IL36B: variants seen among roughly 807,000 people sequenced by gnomAD.
IL36B encodes the protein interleukin 36 beta.
A neutral mutation model predicts 19.3 loss-of-function variants in IL36B; 23 were observed. That is an observed-to-expected ratio of 1.19 (90% CI 0.86 to 1.69). IL36B has a LOEUF of 1.69. Among genes scored for constraint, IL36B ranks in the 40% most tolerant of loss-of-function variants. The pLI is 0.00. For missense variants in IL36B, 217 were observed against 200.5 expected, an observed-to-expected ratio of 1.08 and a Z score of -0.50; for synonymous variants, 59 against 59.7, an observed-to-expected ratio of 0.99 and a Z score of 0.05.
At chr2:113,023,201 C>A (rs149351802) in intron 5 of IL36B, among the ~76,000 whole-genome samples, 2 of 152,298 alleles carry the variant, frequency 1.3e-5, no homozygotes, top group African/African-American at 4.8e-5. Context: ...ATAAGGATGG[C>A]CATATTTTCC....
At chr2:113,027,955 T>C in intron 4 of IL36B, 1 of 1,614,142 alleles carries the variant, frequency 6.2e-7, no homozygotes, top group Non-Finnish European at 8.5e-7. Context: ...GCCTCTCTCC[T>C]TGGTGAGAAA....
At chr2:113,034,081 A>C (rs111779174) in intron 1 of IL36B, among the ~76,000 whole-genome samples, 1 of 152,152 alleles carries the variant, frequency 6.6e-6, no homozygotes, top group Non-Finnish European at 1.5e-5. Context: ...ACTCTCTTGC[A>C]CAGAACCCTC....
Position 113,022,244 on chromosome 2 carries a change from T to G in IL36B, c.*430A>C. 6.5e-6 allele frequency: 1 copy of G among 154,490 alleles called. No homozygotes were observed. Among genetic ancestry groups the G allele is most frequent in the Non-Finnish European group, 1.4e-5 (1 of 69,604 alleles). 9.6% of individuals were successfully genotyped at this position (154,490 alleles called of 1,614,324 possible). ...TCATGCTCTAGTGAATAATTGCACA[T>G]TATGTAAATAATTTTGAATAATTCT... On this transcript the variant is annotated 3_prime_UTR_variant, in exon 6 of 6. Coordinates refer to ENST00000259213, the MANE Select transcript of IL36B (RefSeq NM_014438.5).
At chr2:113,036,234 C>G (rs1000195479) in intron 1 of IL36B, among the ~76,000 whole-genome samples, 1 of 151,934 alleles carries the variant, frequency 6.6e-6, no homozygotes, top group Non-Finnish European at 1.5e-5. Flanking sequence ...CGTGAGCCAG[C>G]GTACCAGGCC....
At chr2:113,027,803 C>A in intron 4 of IL36B, 1 of 1,519,278 alleles carries the variant, frequency 6.6e-7, no homozygotes, top group South Asian at 1.3e-5. Flanking sequence ...TATGGATGGG[C>A]TGAACTGCTA....
At chr2:113,051,829 C>T (rs1298249819) in intron 1 of IL36B, among the ~76,000 whole-genome samples, 2 of 152,146 alleles carry the variant, frequency 1.3e-5, no homozygotes, top group Non-Finnish European at 2.9e-5. Flanking sequence ...TCCTCAGCTA[C>T]CAAAAGTCAC....
At chr2:113,049,360 T>C (rs1573379411) in intron 1 of IL36B, among the ~76,000 whole-genome samples, 1 of 152,314 alleles carries the variant, frequency 6.6e-6, no homozygotes. Flanking sequence ...TTAAGGTAAC[T>C]CAGGGAATGG....
At chr2:113,035,883 G>GGA in intron 1 of IL36B, among the ~76,000 whole-genome samples, 1 of 152,324 alleles carries the variant, frequency 6.6e-6, no homozygotes, top group East Asian at 1.9e-4. Flanking sequence ...GGTTGCCTCA[G>GGA]GAGAGTAGGA....
rs143757145 is a variant in IL36B at position 113,039,163 on chromosome 2, G to T, written c.-57-7397C>A. Among the ~76,000 whole-genome samples, 446 of 152,300 alleles carry T rather than the reference G, an allele frequency of 2.9e-3. 1 individual carries two copies. The highest frequency in any genetic ancestry group is 0.01 in the African/African-American group (430 of 41,564). ...TATGAGACTCACTCTGGTCATCTTG[G>T]GAGTTCAAGGATATAGTCGGTGTCT... On this transcript the variant is annotated intron_variant, in intron 1 of 5. Transcript: ENST00000259213.
In IL36B at chr2:113,036,354, CTTT is replaced by C. The variant is rs367626558; in HGVS notation, c.-57-4591_-57-4589del. 4.0e-3 allele frequency among the ~76,000 whole-genome samples: 542 copies of C among 134,882 alleles called. 4 individuals carry two copies. Among genetic ancestry groups the C allele is most frequent in the African/African-American group, 0.014 (509 of 36,472 alleles). The allele number at this position is 134,882 out of a possible 152,430, so 88.5% of individuals were successfully genotyped here. A position where few individuals can be genotyped will look rare whatever the true frequency, so the allele number is the denominator to read the frequency against. ...ATTTTATTTATCTGAAAACACCTTG[CTTT>C]TTTTTTTTTTTTCATGAAGTGGGTG... On this transcript the variant is annotated intron_variant, in intron 1 of 5. Transcript: ENST00000259213.
chr2:113,044,109 G>A (rs976067384), intron 1 of IL36B, among the ~76,000 whole-genome samples: 7 of 152,066 alleles, frequency 4.6e-5, no homozygotes, highest in Non-Finnish European at 7.4e-5. Flanking sequence ...AAGGCATATC[G>A]TTCTGGCTTT....
intron 1 of IL36B, among the ~76,000 whole-genome samples, chr2:113,036,809 G>A (rs757108022): frequency 2.6e-5 from 4 of 152,314 alleles, no homozygotes; most frequent in African/African-American, 4.8e-5. Flanking sequence ...GGATGATGTC[G>A]GAGGCCCAGC....
chr2:113,025,679 G>A (rs763987735), intron 5 of IL36B, among the ~76,000 whole-genome samples: 4 of 152,160 alleles, frequency 2.6e-5, no homozygotes, highest in Non-Finnish European at 5.9e-5. Flanking sequence ...GGAGAGTCCC[G>A]TAAAACAGCT....
intron 1 of IL36B, among the ~76,000 whole-genome samples, chr2:113,039,263 C>T (rs561616229): frequency 1.3e-5 from 2 of 152,202 alleles, no homozygotes; most frequent in East Asian, 3.9e-4. Context: ...AATTATAAGA[C>T]AAAAAGATCC....
intron 3 of IL36B, among the ~76,000 whole-genome samples, chr2:113,030,509 G>A (rs982639497): frequency 6.6e-6 from 1 of 152,208 alleles, no homozygotes; most frequent in Admixed American, 6.5e-5. Context: ...GTTGCAGCAT[G>A]TCTGACAATG....
intron 1 of IL36B, among the ~76,000 whole-genome samples, chr2:113,040,308 T>C (rs887403916): frequency 6.6e-6 from 1 of 152,232 alleles, no homozygotes; most frequent in Non-Finnish European, 1.5e-5. Context: ...TCATACTTAA[T>C]GGTGAAAGAA....
At chr2:113,051,507 C>A (rs1214570215) in intron 1 of IL36B, among the ~76,000 whole-genome samples, 4 of 152,194 alleles carry the variant, frequency 2.6e-5, no homozygotes, top group African/African-American at 4.8e-5. Flanking sequence ...GGCCTGTGCA[C>A]CTGGCCCTTC....
intron 4 of IL36B, chr2:113,027,831 ATGATCTGT>A: frequency 6.3e-7 from 1 of 1,577,796 alleles, no homozygotes; most frequent in Non-Finnish European, 8.6e-7. Flanking sequence ...CAGTCGCATA[ATGATCTGT>A]TAAGATGACT....
At chr2:113,022,871 C>T (rs1001680166) in intron 5 of IL36B, 19 of 793,370 alleles carry the variant, frequency 2.4e-5, no homozygotes, top group African/African-American at 5.1e-5. Context: ...AGATTCTACA[C>T]GGAGGCTCCT....
Sources: allele counts gnomAD v4.1 joint callset (sites outside exome capture counted in the v4.1 genomes callset), GRCh38; gene constraint gnomAD v4.1.1; transcripts MANE v1.5; gene names NCBI Gene and HGNC (gene_info 2026-07-23, HGNC 2026-07-21).